Variants in PIGU observed in about 807,000 individuals in gnomAD.
The protein encoded by PIGU is phosphatidylinositol glycan anchor biosynthesis class U.
A neutral mutation model predicts 49.9 loss-of-function variants in PIGU; 24 were observed. That is an observed-to-expected ratio of 0.48 (90% CI 0.35 to 0.68). PIGU has a LOEUF of 0.68. Among genes scored for constraint, PIGU ranks in the 30% least tolerant of loss-of-function variants. PIGU has a pLI of 0.01. For missense variants in PIGU, 490 were observed against 532.6 expected, an observed-to-expected ratio of 0.92 and a Z score of 0.79; for synonymous variants, 220 against 205.7, an observed-to-expected ratio of 1.07 and a Z score of -0.59.
Position 34,677,065 on chromosome 20 carries a change from C to A in PIGU, c.21G>T (p.Leu7=). Residue 7 remains leucine, a synonymous_variant, in exon 1 of 12, where the codon CTG becomes CTT. Transcript: ENST00000217446. MAAPLV[L]VLVVAVTVRA... is the part of the protein sequence containing the mutation. ...GCACTGTCACAGCCACCACCAGCACCAGGACCAAGGGAGCCGCCATGATAA... is the reference window on the plus strand; with the variant it reads ...GCACTGTCACAGCCACCACCAGCACAAGGACCAAGGGAGCCGCCATGATAA... 1 of 1,567,836 alleles carries A rather than the reference C, an allele frequency of 6.4e-7. No homozygotes were observed. Among genetic ancestry groups the A allele is most frequent in the Admixed American group, 1.9e-5 (1 of 52,596 alleles).
chr20:34,595,115 A>G (rs1984150351), intron 7 of PIGU, among the ~76,000 whole-genome samples: 1 of 145,942 alleles, frequency 6.9e-6, no homozygotes, highest in African/African-American at 2.6e-5. Flanking sequence ...AAAAAAAAAA[A>G]AAAGAAAAGA....
At position 34,645,814 on chromosome 20, in the gene PIGU, G is replaced by A. The variant is rs915489624; in HGVS notation, c.196-480C>T. On this transcript the variant is annotated intron_variant, in intron 2 of 11. Coordinates refer to ENST00000217446, the MANE Select transcript of PIGU (RefSeq NM_080476.5). ...AGGGAGGCTGAGGCAGAAGAATGGC[G>A]TGAACCCAGGAGGCAGAGCTTGTAG... Among the ~76,000 whole-genome samples, 36 of 152,058 alleles carry A rather than the reference G, an allele frequency of 2.4e-4. 1 individual carries two copies. Among genetic ancestry groups the A allele is most frequent in the African/African-American group, 7.5e-4 (31 of 41,394 alleles).
intron 7 of PIGU, among the ~76,000 whole-genome samples, chr20:34,614,969 C>T (rs1282132607): frequency 2.0e-5 from 3 of 152,144 alleles, no homozygotes; most frequent in African/African-American, 7.2e-5. Flanking sequence ...GTTACTTCCT[C>T]TTGAAGAAAC....
chr20:34,598,362 T>C (rs1984281978), intron 7 of PIGU, among the ~76,000 whole-genome samples: 1 of 152,180 alleles, frequency 6.6e-6, no homozygotes, highest in Non-Finnish European at 1.5e-5. Flanking sequence ...TGGTATAAGA[T>C]AAGCATAGAG....
chr20:34,564,520 C>A (rs1003332372), intron 11 of PIGU, among the ~76,000 whole-genome samples: 7 of 152,098 alleles, frequency 4.6e-5, no homozygotes, highest in Admixed American at 2.0e-4. Context: ...AAATTAACAG[C>A]AATGACCTAT....
At chr20:34,648,091 T>C (rs1568657530) in intron 2 of PIGU, among the ~76,000 whole-genome samples, 2 of 151,776 alleles carry the variant, frequency 1.3e-5, no homozygotes, top group Non-Finnish European at 2.9e-5. Context: ...CTCTACAAAA[T>C]ATTTAAAAAA....
intron 11 of PIGU, among the ~76,000 whole-genome samples, chr20:34,573,752 A>G (rs1423017117): frequency 1.3e-5 from 2 of 152,272 alleles, no homozygotes; most frequent in Non-Finnish European, 2.9e-5. Context: ...TGCGTGGGTC[A>G]GAAGTAAGAG....
chr20:34,588,530 T>G lies in PIGU; in HGVS notation c.705A>C (p.Gly235=). The G allele has an allele frequency of 6.2e-7, 1 of 1,613,756 alleles. No homozygotes were observed. The highest frequency in any genetic ancestry group is 8.5e-7 in the Non-Finnish European group (1 of 1,179,630). Residue 235 remains glycine, a synonymous_variant, in exon 8 of 12, where the codon GGA becomes GGC. Coordinates refer to ENST00000217446, the MANE Select transcript of PIGU (RefSeq NM_080476.5). ...FSWEYAMMYV[G]SLVVIICLSF... is the part of the protein sequence containing the mutation. ...AGAGGCAAATGATTACCACTAGGCT[T>G]CCCACATACATCATGGCATACTCCC...
At chr20:34,626,395 C>T (rs552096196) in intron 6 of PIGU, among the ~76,000 whole-genome samples, 50 of 151,764 alleles carry the variant, frequency 3.3e-4, no homozygotes, top group East Asian at 2.7e-3. Context: ...CTCCACCTCC[C>T]GGGTTCAAGC....
intron 2 of PIGU, among the ~76,000 whole-genome samples, 177 bp from the exon 3 acceptor site, chr20:34,645,511 A>G (rs961351911): frequency 6.6e-6 from 1 of 152,186 alleles, no homozygotes; most frequent in Non-Finnish European, 1.5e-5. Flanking sequence ...AGAATAATTT[A>G]GTACTGCCGG....
At chr20:34,620,733 C>G (rs1021199215) in intron 6 of PIGU, among the ~76,000 whole-genome samples, 2 of 151,220 alleles carry the variant, frequency 1.3e-5, no homozygotes, top group African/African-American at 4.9e-5. Flanking sequence ...ATGGCGTGAA[C>G]CCGGGAGGCA....
Position 34,608,723 on chromosome 20 carries a change from C to T in PIGU, c.627+7319G>A, listed in dbSNP as rs1250092770. Among the ~76,000 whole-genome samples, 4 of 152,096 alleles carry T rather than the reference C, an allele frequency of 2.6e-5. No individual in the cohort carries two copies. The East Asian group carries it at 5.8e-4, about 22-fold the overall frequency. On this transcript the variant is annotated intron_variant, in intron 7 of 11. Transcript: ENST00000217446. ...TTGGAAGTAGAAAGCATTCTGAAGC[C>T]GATCAGGGTACAGCCACTCACTCTG... is the stretch of plus-strand genomic sequence containing the variant.
At chr20:34,668,479 A>G (rs1987181859) in intron 1 of PIGU, among the ~76,000 whole-genome samples, 1 of 131,866 alleles carries the variant, frequency 7.6e-6, no homozygotes, top group Admixed American at 7.9e-5. Context: ...AAAAAAAAAA[A>G]AAAAGGGGGG....
At chr20:34,617,525 T>C (rs1195643180) in intron 6 of PIGU, among the ~76,000 whole-genome samples, 1 of 152,226 alleles carries the variant, frequency 6.6e-6, no homozygotes, top group African/African-American at 2.4e-5. Context: ...ATTTCTCCTA[T>C]TTGTAACGGA....
intron 1 of PIGU, among the ~76,000 whole-genome samples, chr20:34,676,522 T>C (rs1013930912): frequency 5.9e-5 from 9 of 152,096 alleles, no homozygotes; most frequent in African/African-American, 2.2e-4. Flanking sequence ...TTAAGCAAAA[T>C]TGGTCCCCTC....
At chr20:34,667,500 T>C (rs759184024) in intron 1 of PIGU, among the ~76,000 whole-genome samples, 22 of 150,876 alleles carry the variant, frequency 1.5e-4, no homozygotes, top group Non-Finnish European at 2.9e-4. Flanking sequence ...GATAGAGGTA[T>C]GGCAAAAGGA....
At position 34,581,921 on chromosome 20, in the gene PIGU, C is replaced by T. The variant is rs1392290338; in HGVS notation, c.927-249G>A. Among the ~76,000 whole-genome samples, 2 of 152,226 alleles carry T rather than the reference C, an allele frequency of 1.3e-5. 1 individual carries two copies. Among genetic ancestry groups the T allele is most frequent in the South Asian group, 4.1e-4 (2 of 4,836 alleles). ...GGAAACAGCCCACAGAGACATTTCCCATCAACAGTCCCCCTCTGCCTCTGC... is the reference window on the plus strand; with the variant it reads ...GGAAACAGCCCACAGAGACATTTCCTATCAACAGTCCCCCTCTGCCTCTGC... On this transcript the variant is annotated intron_variant, in intron 9 of 11. Coordinates refer to ENST00000217446, the MANE Select transcript of PIGU (RefSeq NM_080476.5).
intron 1 of PIGU, among the ~76,000 whole-genome samples, chr20:34,660,956 T>G (rs1053661176): frequency 6.6e-5 from 10 of 152,188 alleles, no homozygotes; most frequent in African/African-American, 2.2e-4. Flanking sequence ...ATGTAGAATG[T>G]TAACATTAGA....
intron 7 of PIGU, among the ~76,000 whole-genome samples, chr20:34,598,349 A>C (rs2146723399): frequency 6.6e-6 from 1 of 152,344 alleles, no homozygotes; most frequent in East Asian, 1.9e-4. Context: ...AGTGAGGGGT[A>C]AGTGGTATAA....
Sources: gnomAD v4.1 joint callset for allele counts (sites outside exome capture counted in the v4.1 genomes callset) on GRCh38, gnomAD v4.1.1 for gene constraint, MANE v1.5 for transcripts, NCBI Gene and HGNC (gene_info 2026-07-23, HGNC 2026-07-21) for gene names.